The following GPR176 variants were observed in gnomAD, a reference collection of about 807,000 sequenced individuals.
The protein encoded by GPR176 is G-protein coupled receptor 176.
A neutral mutation model predicts 35.4 loss-of-function variants in GPR176; 26 were observed. The ratio of observed to expected loss-of-function variants is 0.74; its 90% CI spans 0.54 to 1.02. The LOEUF (loss-of-function observed/expected upper bound fraction) is 1.02. Ranked by LOEUF, GPR176 falls within the 50% of genes least tolerant of loss-of-function variation. GPR176 has a pLI of 0.00. For synonymous variants in GPR176, 278 were observed against 271.3 expected (o/e 1.02, Z -0.24); for missense variants, 597 against 665.3 (o/e 0.90, Z 1.13).
At chr15:39,872,587 G>A (rs746511405) in intron 1 of GPR176, among the ~76,000 whole-genome samples, 7 of 152,152 alleles carry the variant, frequency 4.6e-5, no homozygotes, top group Non-Finnish European at 7.3e-5. Context: ...AAATATCTGA[G>A]GCTGGGTAAT....
chr15:39,883,954 G>A (rs1025507561), intron 1 of GPR176, among the ~76,000 whole-genome samples: 6 of 152,176 alleles, frequency 3.9e-5, no homozygotes, highest in African/African-American at 1.2e-4. Context: ...AAGAAAGCCT[G>A]CTCAATGGAA....
chr15:39,833,286 A>G (rs1595462106), intron 1 of GPR176, among the ~76,000 whole-genome samples: 1 of 152,226 alleles, frequency 6.6e-6, no homozygotes. Context: ...CAAAGAAAAT[A>G]TGGTATAATC....
At chr15:39,877,709 C>T (rs763576396) in intron 1 of GPR176, among the ~76,000 whole-genome samples, 6 of 151,974 alleles carry the variant, frequency 3.9e-5, no homozygotes, top group African/African-American at 1.5e-4. Context: ...TACAGGCAGA[C>T]GCCACCACAC....
At chr15:39,887,973 C>G (rs1191580694) in intron 1 of GPR176, among the ~76,000 whole-genome samples, 3 of 152,170 alleles carry the variant, frequency 2.0e-5, no homozygotes, top group African/African-American at 7.2e-5. Flanking sequence ...GAGAGGGCAC[C>G]AGAGGAATGA....
intron 1 of GPR176, among the ~76,000 whole-genome samples, chr15:39,918,044 TAAAAAA>T (rs11410825): frequency 4.5e-5 from 5 of 111,458 alleles, no homozygotes; most frequent in Admixed American, 2.0e-4. Flanking sequence ...AAACTCTGTC[TAAAAAA>T]AAAAAAAAAA....
chr15:39,919,781 C>A (rs1801323545), intron 1 of GPR176, 74 bp downstream of exon 1: 1 of 1,211,460 alleles, frequency 8.3e-7, no homozygotes, highest in East Asian at 3.2e-5. Flanking sequence ...GGCGGCTGGG[C>A]GGCCCTGCTC....
At chr15:39,834,639 T>C (rs1901283359) in intron 1 of GPR176, among the ~76,000 whole-genome samples, 1 of 152,196 alleles carries the variant, frequency 6.6e-6, no homozygotes, top group Non-Finnish European at 1.5e-5. Context: ...ACAACATGTA[T>C]GGGACTGGAA....
rs565699171 is a variant in GPR176, at chr15:39,808,565, T to C, written c.173-1307A>G. Among the ~76,000 whole-genome samples, 7 of 152,250 alleles carry C rather than the reference T, an allele frequency of 4.6e-5. No homozygotes were observed. The South Asian group carries it at 6.2e-4, about 13-fold the overall frequency. ...CTCCTGCCTCCATTATGCTCCATTATCATATCCCATTGCATCCTTCATAGT... is the reference window on the plus strand; with the variant it reads ...CTCCTGCCTCCATTATGCTCCATTACCATATCCCATTGCATCCTTCATAGT... On this transcript the variant is annotated intron_variant, in intron 1 of 2. Coordinates refer to ENST00000561100, the MANE Select transcript of GPR176 (RefSeq NM_007223.3).
rs1027855244 is a variant in GPR176, at chr15:39,909,856, G to A, written c.172+9999C>T. 13 of 943,826 alleles carry A rather than the reference G, an allele frequency of 1.4e-5. No individual in the cohort carries two copies. The African/African-American group carries it at 2.3e-4, about 17-fold the overall frequency. 58.5% of individuals were successfully genotyped at this position (943,826 alleles called of 1,614,324 possible). A position where few individuals can be genotyped will look rare whatever the true frequency, so the allele number is the denominator to read the frequency against. On this transcript the variant is annotated intron_variant, in intron 1 of 2. Transcript: ENST00000561100. ...TAACTGTAAATTTGGTAATCTTGAG[G>A]TTTTCTTTTAATTACCTGTTGTATA...
intron 1 of GPR176, chr15:39,807,487 TTCTC>T (rs1785686127): frequency 7.9e-7 from 1 of 1,265,968 alleles, no homozygotes; most frequent in East Asian, 2.6e-5. Flanking sequence ...AGTGGTGAGT[TTCTC>T]TATTTAATTT....
intron 1 of GPR176, among the ~76,000 whole-genome samples, chr15:39,882,755 C>T (rs1026395821): frequency 6.6e-6 from 1 of 152,202 alleles, no homozygotes; most frequent in African/African-American, 2.4e-5. Flanking sequence ...TATATGTTTT[C>T]TCAGCATGTT....
rs1898802547 is a variant in GPR176, at chr15:39,800,889, C to T, written c.*243G>A. The stretch of plus-strand genomic sequence containing the variant: ...CAAAACTGCCCAGCTCTTGTCCCCA[C>T]AGAGAATAATGTGGACTTCACTAAG... On this transcript the variant is annotated 3_prime_UTR_variant, in exon 3 of 3. Transcript: ENST00000561100. 2.3e-6 allele frequency: 1 copy of T among 442,154 alleles called. No individual in the cohort carries two copies. The highest frequency in any genetic ancestry group is 4.1e-6 in the Non-Finnish European group (1 of 243,866). The allele number at this position is 442,154 out of a possible 1,614,324, so 27.4% of individuals were successfully genotyped here. A position where few individuals can be genotyped will look rare whatever the true frequency, so the allele number is the denominator to read the frequency against.
At chr15:39,880,778 CCTTTACTT>C (rs1056562484) in intron 1 of GPR176, among the ~76,000 whole-genome samples, 25 of 152,260 alleles carry the variant, frequency 1.6e-4, no homozygotes, top group Admixed American at 1.5e-3. Flanking sequence ...AATGTTATCT[CCTTTACTT>C]CTTGAATGTG....
intron 1 of GPR176, among the ~76,000 whole-genome samples, chr15:39,839,851 T>G (rs1369323488): frequency 6.6e-5 from 10 of 152,082 alleles, no homozygotes. Context: ...AAGAAGACAT[T>G]TATGTGGCCA....
chr15:39,893,294 T>C (rs528526560), intron 1 of GPR176, among the ~76,000 whole-genome samples: 1 of 151,622 alleles, frequency 6.6e-6, no homozygotes, highest in Non-Finnish European at 1.5e-5. Flanking sequence ...GATTAGGGAG[T>C]GGTGATGACT....
At chr15:39,893,852 C>T (rs867858543) in intron 1 of GPR176, among the ~76,000 whole-genome samples, 3 of 141,370 alleles carry the variant, frequency 2.1e-5, no homozygotes, top group African/African-American at 8.0e-5. Flanking sequence ...CCAGTAGGGG[C>T]GGCCGGGCAG....
chr15:39,914,216 C>T (rs561433894), intron 1 of GPR176, among the ~76,000 whole-genome samples: 1 of 151,474 alleles, frequency 6.6e-6, no homozygotes, highest in East Asian at 1.9e-4. Context: ...AAATAAAAGA[C>T]AATGTGAGGC....
chr15:39,844,243 G>A (rs1156839243), intron 1 of GPR176, among the ~76,000 whole-genome samples: 1 of 152,046 alleles, frequency 6.6e-6, no homozygotes, highest in Non-Finnish European at 1.5e-5. Flanking sequence ...TAAAAATATA[G>A]TTTCCTGGTC....
At chr15:39,803,347 T>C (rs929855644) in intron 2 of GPR176, among the ~76,000 whole-genome samples, 27 of 147,540 alleles carry the variant, frequency 1.8e-4, no homozygotes, top group African/African-American at 6.7e-4. Context: ...TGGCATGATC[T>C]AGGCTCACTG....
Sources: allele counts gnomAD v4.1 joint callset (sites outside exome capture counted in the v4.1 genomes callset), GRCh38; gene constraint gnomAD v4.1.1; transcripts MANE v1.5; gene names NCBI Gene and HGNC (gene_info 2026-07-23, HGNC 2026-07-21).